The following NEB variants were observed in gnomAD, a reference collection of about 807,000 sequenced individuals.
NEB encodes nebulin, also known as nemaline myopathy type 2.
Under a neutral mutation model 952.2 loss-of-function variants are expected in NEB, and 512 were observed. The ratio of observed to expected loss-of-function variants is 0.54; its 90% CI spans 0.50 to 0.58. The LOEUF is 0.58. NEB is among the 20% of genes least tolerant of loss of function. NEB has a pLI of 0.00. For missense variants in NEB, 8,428 were observed against 9,231.1 expected (o/e 0.91, Z 3.56); for synonymous variants, 2,900 against 3,149.8 (o/e 0.92, Z 2.66).
intron 76 of NEB, 108 bp from the exon 77 acceptor site, chr2:151,614,695 A>G (rs904596517): frequency 1.1e-5 from 14 of 1,292,562 alleles, no homozygotes; most frequent in Non-Finnish European, 1.2e-5. Flanking sequence ...ACTATCATGA[A>G]GGAGAAAAGT....
chr2:151,662,393 A>C (rs2099158792), intron 45 of NEB, 52 bp from the exon 46 acceptor site: 1 of 1,426,994 alleles, frequency 7.0e-7, no homozygotes, highest in African/African-American at 1.4e-5. Flanking sequence ...CTTCCCAAGA[A>C]TCCTAAGTGT....
In NEB at chr2:151,679,902, G is replaced by A; in HGVS notation, c.3147+16C>T. ...AGTCTGGACATACGCATCAGCCCGTGAGTCCACCCACGCACCTCACTGATA... is the reference window on the plus strand; with the variant it reads ...AGTCTGGACATACGCATCAGCCCGTAAGTCCACCCACGCACCTCACTGATA... On this transcript the variant is annotated intron_variant, in intron 31 of 181. Coordinates refer to ENST00000397345, the MANE Select transcript of NEB (RefSeq NM_001164508.2). The A allele has an allele frequency of 6.2e-7, 1 of 1,608,066 alleles. No individual in the cohort carries two copies. Among genetic ancestry groups the A allele is most frequent in the Non-Finnish European group, 8.5e-7 (1 of 1,174,506 alleles).
intron 36 of NEB, among the ~76,000 whole-genome samples, chr2:151,674,144 G>C (rs1283672364): frequency 6.6e-6 from 1 of 151,942 alleles, no homozygotes; most frequent in Non-Finnish European, 1.5e-5. Flanking sequence ...TATAATGCAG[G>C]CAGTCATTTG....
Position 151,697,168 on chromosome 2 carries a change from T to C in NEB, c.1450A>G (p.Lys484Glu). ...CTTACGTCTTTACACTGATCTAGTT[T>C]CTTAATTGCTTCATATTCTTGAGTT... The part of the protein sequence containing the change: ...TITQEYEAIK[K>E]LDQCKDHTYK... The change falls in exon 16 of 182, where the codon AAA becomes GAA. Residue 484 changes from lysine (K) to glutamate (E), a missense_variant. By Grantham distance (56) the Lys-to-Glu change is moderately conservative (BLOSUM62 1). Around this residue, in one of 11 missense-constraint regions of NEB, gnomAD observed 2,851 missense variants for 2,791.5 expected, o/e 1.02. Transcript: ENST00000397345. 1 of 1,613,424 alleles carries C rather than the reference T, an allele frequency of 6.2e-7. No individual in the cohort carries two copies. Among genetic ancestry groups the C allele is most frequent in the Non-Finnish European group, 8.5e-7 (1 of 1,179,734 alleles).
chr2:151,492,260 C>T lies in NEB; in HGVS notation c.24895G>A (p.Glu8299Lys). The T allele has an allele frequency of 6.2e-7, 1 of 1,612,998 alleles. No homozygotes were observed. Among genetic ancestry groups the T allele is most frequent in the Non-Finnish European group, 8.5e-7 (1 of 1,179,330 alleles). The change falls in exon 178 of 182, where the codon GAG becomes AAG. Residue 8299 changes from glutamate to lysine, a missense_variant. Around this residue, in one of 11 missense-constraint regions of NEB, gnomAD observed 3,374 missense variants for 3,651.5 expected, o/e 0.92. Transcript: ENST00000397345. ...GGTGTGAAGCAACCCTTGTGTTTCT[C>T]AAAGTCTTCATGATATTTCACCTGA... ...ISTVKYHEDFEKHKGCFTPVV... is the reference protein window; with the variant it reads ...ISTVKYHEDFKKHKGCFTPVV...
chr2:151,664,933 A>C, intron 42 of NEB, 70 bp from the exon 43 acceptor site: 1 of 1,123,440 alleles, frequency 8.9e-7, no homozygotes, highest in East Asian at 2.5e-5. Flanking sequence ...CAAGAGGAAG[A>C]GATTTACAAC....
chr2:151,612,152 T>A (rs574520488), intron 78 of NEB, 34 bp downstream of exon 78: 1 of 1,591,916 alleles, frequency 6.3e-7, no homozygotes, highest in South Asian at 1.1e-5. Flanking sequence ...GTGGAAGGTA[T>A]GATTCTGGCA....
chr2:151,639,520 C>T (rs2098821238), intron 62 of NEB, 136 bp from the exon 63 acceptor site: 1 of 624,668 alleles, frequency 1.6e-6, no homozygotes, highest in Non-Finnish European at 2.6e-6. Flanking sequence ...TTATGCACAT[C>T]TTCGGGTAAT....
intron 36 of NEB, among the ~76,000 whole-genome samples, chr2:151,674,079 G>A (rs2099333798): frequency 6.6e-6 from 1 of 152,024 alleles, no homozygotes; most frequent in South Asian, 2.1e-4. Flanking sequence ...TCCCTCTTTG[G>A]TTTATAAAAA....
intron 133 of NEB, 26 bp from the exon 134 acceptor site, chr2:151,546,469 C>G (rs747860562): frequency 6.8e-7 from 1 of 1,465,466 alleles, no homozygotes; most frequent in Non-Finnish European, 9.6e-7. Context: ...AGAAATATAG[C>G]TGGTCATAAG....
intron 157 of NEB, among the ~76,000 whole-genome samples, chr2:151,515,990 C>T (rs574848193): frequency 6.6e-6 from 1 of 152,256 alleles, no homozygotes; most frequent in Non-Finnish European, 1.5e-5. Context: ...AAATTTAGTG[C>T]TTCTGCTTAC....
chr2:151,570,470 AC>A lies in NEB; in HGVS notation c.17118+26del, dbSNP rs775240972. 4 of 1,584,308 alleles carry A rather than the reference AC, an allele frequency of 2.5e-6. No individual in the cohort carries two copies. In the South Asian group the frequency reaches 3.6e-5, roughly 14 times the overall value. On this transcript the variant is annotated intron_variant, in intron 108 of 181. Transcript: ENST00000397345. ...CTAGGGCATCGGCTGAAAAAAAAAA[AC>A]TGAGAAGTTAAAAAAGGCCACTCAC...
intron 148 of NEB, 39 bp from the exon 149 acceptor site, chr2:151,526,301 T>G: frequency 7.5e-7 from 1 of 1,338,232 alleles, no homozygotes; most frequent in Non-Finnish European, 1.1e-6. Flanking sequence ...TTAGCTCTGC[T>G]GGATATCCTA....
At chr2:151,639,178 G>T in intron 63 of NEB, 102 bp downstream of exon 63, 1 of 925,074 alleles carries the variant, frequency 1.1e-6, no homozygotes, top group Non-Finnish European at 1.6e-6. Context: ...CATGAAACAT[G>T]AAAAAGATTC....
chr2:151,489,404 A>C (rs546421187), intron 181 of NEB, among the ~76,000 whole-genome samples: 1 of 152,172 alleles, frequency 6.6e-6, no homozygotes, highest in African/African-American at 2.4e-5. Flanking sequence ...ACATCTATAC[A>C]TTCTTGATTT....
chr2:151,495,067 A>T (rs2059318051), intron 173 of NEB: 1 of 152,276 alleles, frequency 6.6e-6, no homozygotes, highest in Non-Finnish European at 1.5e-5. Context: ...TTTCTTTGCT[A>T]TCCTCTATGC....
In NEB at chr2:151,505,488, T is replaced by C. The variant is rs753611103; in HGVS notation, c.23732A>G (p.His7911Arg). The change falls in exon 165 of 182, where the codon CAC (histidine) becomes CGC (arginine). Residue 7911 changes from histidine (H) to arginine (R), a missense_variant. Physicochemically the swap from His to Arg is conservative, Grantham distance 29. Coordinates refer to ENST00000397345, the MANE Select transcript of NEB (RefSeq NM_001164508.2). Reference sequence around the variant, plus strand: ...GAGTATGGCCACTACCGAGCTAATGTGCTTCTGCGTCTCCTTCACACGTTT... The same window carrying C: ...GAGTATGGCCACTACCGAGCTAATGCGCTTCTGCGTCTCCTTCACACGTTT... ...EVKRVKETQK[H>R]ISSVMYKENL... is the part of the protein sequence containing the mutation. The C allele has an allele frequency of 6.2e-7, 1 of 1,613,764 alleles. No individual in the cohort carries two copies. Among genetic ancestry groups the C allele is most frequent in the Non-Finnish European group, 8.5e-7 (1 of 1,179,688 alleles).
At chr2:151,717,600 A>G in intron 9 of NEB, 80 bp from the exon 10 acceptor site, 3 of 1,031,852 alleles carry the variant, frequency 2.9e-6, no homozygotes, top group Non-Finnish European at 4.5e-6. Context: ...TTTTAGTGTA[A>G]CATGTTATAA....
At position 151,675,177 on chromosome 2, in the gene NEB, G is replaced by A. The variant is rs568415904; in HGVS notation, c.3879+110C>T. 14 of 793,442 alleles carry A rather than the reference G, an allele frequency of 1.8e-5. No homozygotes were observed. The South Asian group carries it at 2.1e-4, about 12-fold the overall frequency. The allele number at this position is 793,442 out of a possible 1,614,324, so 49.2% of individuals were successfully genotyped here. ...CCTTATGGGATATGTTCCAGTAGGG[G>A]ATTTGTGAGAAATGGGCCTAAATAA... On this transcript the variant is annotated intron_variant, in intron 35 of 181. Coordinates refer to ENST00000397345, the MANE Select transcript of NEB (RefSeq NM_001164508.2).
Sources: allele counts gnomAD v4.1 joint callset (sites outside exome capture counted in the v4.1 genomes callset), GRCh38; gene constraint gnomAD v4.1.1; regional missense constraint gnomAD v4.1.1; transcripts MANE v1.5; gene names NCBI Gene and HGNC (gene_info 2026-07-23, HGNC 2026-07-21).